Variants in EPB41L2 observed in about 807,000 individuals in gnomAD.
The protein encoded by EPB41L2 is erythrocyte membrane protein band 4.1 like 2.
In EPB41L2, 43 loss-of-function variants were observed where a neutral mutation model predicts 113.0. The observed-to-expected ratio is 0.38, with a 90% CI of 0.30 to 0.49. The LOEUF (loss-of-function observed/expected upper bound fraction) is 0.49, where lower values mean the gene tolerates loss of function less well. Among genes scored for constraint, EPB41L2 ranks in the 20% least tolerant of loss-of-function variants. EPB41L2 has a pLI of 0.95. For synonymous variants in EPB41L2, 442 were observed against 436.7 expected, an observed-to-expected ratio of 1.01 and a Z score of -0.15; for missense variants, 1,147 against 1,223.4, an observed-to-expected ratio of 0.94 and a Z score of 0.93.
chr6:130,898,942 C>T (rs1795458398), intron 8 of EPB41L2, among the ~76,000 whole-genome samples: 1 of 152,080 alleles, frequency 6.6e-6, no homozygotes, highest in Admixed American at 6.6e-5. Context: ...TACCATCTTT[C>T]AAATTAGACT....
chr6:130,929,600 C>T (rs1049637070), intron 3 of EPB41L2, among the ~76,000 whole-genome samples: 4 of 152,074 alleles, frequency 2.6e-5, no homozygotes, highest in African/African-American at 9.7e-5. Context: ...ATGAGCACGA[C>T]AAACATGGTC....
intron 1 of EPB41L2, among the ~76,000 whole-genome samples, chr6:130,987,971 TGA>T (rs1780969332): frequency 6.6e-6 from 1 of 151,826 alleles, no homozygotes; most frequent in East Asian, 2.0e-4. Flanking sequence ...AAAAATTAGC[TGA>T]GTGTTGGTGG....
intron 1 of EPB41L2, among the ~76,000 whole-genome samples, chr6:131,049,712 T>C (rs1312935078): frequency 6.6e-6 from 1 of 152,246 alleles, no homozygotes; most frequent in Non-Finnish European, 1.5e-5. Flanking sequence ...AATAATCCCA[T>C]AGGACTTTTA....
intron 4 of EPB41L2, among the ~76,000 whole-genome samples, chr6:130,909,743 TAGAG>T (rs1308119147): frequency 6.6e-6 from 1 of 150,772 alleles, no homozygotes; most frequent in Non-Finnish European, 1.5e-5. Flanking sequence ...ACACCAATAA[TAGAG>T]AGCCAAATGA....
chr6:130,853,161 T>C (rs1779242750), intron 19 of EPB41L2, among the ~76,000 whole-genome samples: 1 of 152,212 alleles, frequency 6.6e-6, no homozygotes. Context: ...AACAAATAAA[T>C]GAATGGATGA....
Position 130,926,660 on chromosome 6 carries a change from T to C in EPB41L2, c.755A>G (p.Asn252Ser), listed in dbSNP as rs774463569. ...TCCAAAGTAGTCTTTCTCCAAGAGA[T>C]TGAGGTGTTCACACACTTTGTCAAA... ...VLFDKVCEHL[N>S]LLEKDYFGLL... The change falls in exon 4 of 20, where the codon AAT becomes AGT. Residue 252 changes from asparagine to serine, a missense_variant. Physicochemically the swap from Asn to Ser is conservative, Grantham distance 46. Transcript: ENST00000337057. 24 of 1,610,316 alleles carry C rather than the reference T, an allele frequency of 1.5e-5. No homozygotes were observed. Among genetic ancestry groups the C allele is most frequent in the Non-Finnish European group, 1.9e-5 (22 of 1,179,198 alleles).
At chr6:131,002,333 G>A (rs1053491880) in intron 1 of EPB41L2, among the ~76,000 whole-genome samples, 1 of 152,164 alleles carries the variant, frequency 6.6e-6, no homozygotes. Context: ...CTATGGAGTC[G>A]AGGGAAAGTG....
chr6:130,882,027 G>A (rs1436187275), intron 12 of EPB41L2: 1 of 152,170 alleles, frequency 6.6e-6, no homozygotes, highest in East Asian at 1.9e-4. Flanking sequence ...ACACACTTGG[G>A]TTTCCAACAA....
At chr6:130,874,178 T>C (rs1352652569) in intron 14 of EPB41L2, among the ~76,000 whole-genome samples, 1 of 152,114 alleles carries the variant, frequency 6.6e-6, no homozygotes, top group Non-Finnish European at 1.5e-5. Context: ...TATTTACCCA[T>C]TAAAGATTAA....
chr6:130,957,484 C>T (rs1817825000), intron 1 of EPB41L2, among the ~76,000 whole-genome samples: 1 of 152,142 alleles, frequency 6.6e-6, no homozygotes, highest in African/African-American at 2.4e-5. Flanking sequence ...CGAGTAGTGT[C>T]CCAGCTATCT....
chr6:130,857,480 T>C (rs1295916561), intron 19 of EPB41L2, among the ~76,000 whole-genome samples: 1 of 151,486 alleles, frequency 6.6e-6, no homozygotes, highest in Non-Finnish European at 1.5e-5. Context: ...TTGGCTTAAC[T>C]GAAGTATTTA....
At chr6:130,992,352 C>G (rs986539751) in intron 1 of EPB41L2, among the ~76,000 whole-genome samples, 1 of 152,136 alleles carries the variant, frequency 6.6e-6, no homozygotes, top group African/African-American at 2.4e-5. Flanking sequence ...GGCTGCCACT[C>G]AAGTAATCAA....
At chr6:130,869,457 TTGTTGAAAAAAGC>T (rs1784928098) in intron 15 of EPB41L2, 93 bp downstream of exon 15, 1 of 1,048,692 alleles carries the variant, frequency 9.5e-7, no homozygotes, top group African/African-American at 1.6e-5. Context: ...AATCAGATTC[TTGTTGAAAAAAGC>T]TGAAGAACTG....
chr6:131,012,722 T>C (rs768988908), intron 1 of EPB41L2, among the ~76,000 whole-genome samples: 3 of 151,948 alleles, frequency 2.0e-5, no homozygotes, highest in Non-Finnish European at 4.4e-5. Flanking sequence ...AATAAAAACA[T>C]GATTGAGTGT....
intron 1 of EPB41L2, among the ~76,000 whole-genome samples, chr6:131,050,209 G>A (rs1052038282): frequency 1.3e-5 from 2 of 151,938 alleles, no homozygotes; most frequent in African/African-American, 4.8e-5. Flanking sequence ...CGTGGTGGCG[G>A]GCACCTGTAA....
chr6:130,951,312 CTTTTTTTTTTTTT>C (rs34082234), intron 3 of EPB41L2, among the ~76,000 whole-genome samples: 29 of 50,844 alleles, frequency 5.7e-4, no homozygotes, highest in African/African-American at 3.1e-3. Flanking sequence ...AGCCTCAGTA[CTTTTTTTTTTTTT>C]TTTTTTTTTT....
At chr6:130,912,850 A>G (rs1423723346) in intron 4 of EPB41L2, among the ~76,000 whole-genome samples, 1 of 152,200 alleles carries the variant, frequency 6.6e-6, no homozygotes, top group Non-Finnish European at 1.5e-5. Flanking sequence ...CCAAGGAACA[A>G]CCATAGCAAG....
chr6:130,848,390 T>G (rs1777758709), intron 19 of EPB41L2, among the ~76,000 whole-genome samples: 1 of 152,140 alleles, frequency 6.6e-6, no homozygotes, highest in Non-Finnish European at 1.5e-5. Flanking sequence ...AAGCCACATT[T>G]CAAAAAATAA....
At chr6:131,037,136 T>G (rs1793487617) in intron 1 of EPB41L2, among the ~76,000 whole-genome samples, 1 of 152,232 alleles carries the variant, frequency 6.6e-6, no homozygotes, top group African/African-American at 2.4e-5. Context: ...AGCAAACTAT[T>G]AAACAATCTG....
Sources: gnomAD v4.1 joint callset for allele counts (sites outside exome capture counted in the v4.1 genomes callset) on GRCh38, gnomAD v4.1.1 for gene constraint, MANE v1.5 for transcripts, NCBI Gene and HGNC (gene_info 2026-07-23, HGNC 2026-07-21) for gene names.